Variants in EXOC4 observed in about 807,000 individuals in gnomAD.
EXOC4 encodes exocyst complex component 4.
Under a neutral mutation model 107.2 loss-of-function variants are expected in EXOC4, and 71 were observed. The ratio of observed to expected loss-of-function variants is 0.66; its 90% CI spans 0.55 to 0.81. The LOEUF is 0.81. Among genes scored for constraint, EXOC4 ranks in the 30% least tolerant of loss-of-function variants. The pLI is 0.00. For synonymous variants in EXOC4, 456 were observed against 441.2 expected (o/e 1.03, Z -0.42); for missense variants, 1,108 against 1,189.6 (o/e 0.93, Z 1.01).
intron 10 of EXOC4, among the ~76,000 whole-genome samples, chr7:133,655,100 A>G (rs1803257908): frequency 6.6e-6 from 1 of 152,146 alleles, no homozygotes; most frequent in Admixed American, 6.6e-5. Context: ...TGTACACTTG[A>G]GTTACACTAA....
chr7:133,994,447 C>T (rs1794335717), intron 14 of EXOC4, among the ~76,000 whole-genome samples: 1 of 152,122 alleles, frequency 6.6e-6, no homozygotes, highest in Non-Finnish European at 1.5e-5. Flanking sequence ...CAGCAAACCA[C>T]AATGGCGCCT....
At chr7:133,984,532 T>C (rs1230668894) in intron 14 of EXOC4, among the ~76,000 whole-genome samples, 2 of 152,228 alleles carry the variant, frequency 1.3e-5, no homozygotes, top group Non-Finnish European at 2.9e-5. Context: ...GTTATAAAAC[T>C]CTTTGATTTG....
intron 10 of EXOC4, among the ~76,000 whole-genome samples, chr7:133,815,595 T>G (rs1357218757): frequency 6.6e-6 from 1 of 152,224 alleles, no homozygotes; most frequent in African/African-American, 2.4e-5. Context: ...CTTTTCTGGG[T>G]GAACTATCAT....
intron 10 of EXOC4, chr7:133,732,632 G>T (rs528434283): frequency 6.5e-6 from 1 of 153,658 alleles, no homozygotes; most frequent in Non-Finnish European, 1.4e-5. Flanking sequence ...CTTGGGCTTA[G>T]CATTTTTACT....
chr7:133,511,525 C>T (rs1485606528), intron 9 of EXOC4, among the ~76,000 whole-genome samples: 8 of 152,050 alleles, frequency 5.3e-5, no homozygotes, highest in Non-Finnish European at 1.0e-4. Flanking sequence ...AGAATTAATG[C>T]CCACTTTTAG....
chr7:133,978,116 A>T (rs1223649424), intron 14 of EXOC4, among the ~76,000 whole-genome samples: 1 of 152,194 alleles, frequency 6.6e-6, no homozygotes, highest in Admixed American at 6.5e-5. Flanking sequence ...GGTTCAAATG[A>T]GGCAAACACT....
chr7:133,711,065 G>T (rs1368715656), intron 10 of EXOC4, among the ~76,000 whole-genome samples: 1 of 152,182 alleles, frequency 6.6e-6, no homozygotes, highest in African/African-American at 2.4e-5. Flanking sequence ...AAAATGAACT[G>T]TATCATTTTT....
At position 133,610,844 on chromosome 7, in the gene EXOC4, CT is replaced by C. The variant is rs1286547584; in HGVS notation, c.1418-19200del. Among the ~76,000 whole-genome samples the C allele has an allele frequency of 1.3e-4, 20 of 150,288 alleles. No homozygotes were observed. In the South Asian group the frequency reaches 4.0e-3, roughly 30 times the overall value. ...TTTTTTTTTTTAAGACAGGATCTCACTCTGTCACCCAGGTTGCCGTGCAGTG... is the reference window on the plus strand; with the variant it reads ...TTTTTTTTTTTAAGACAGGATCTCACCTGTCACCCAGGTTGCCGTGCAGTG... On this transcript the variant is annotated intron_variant, in intron 9 of 17. Transcript: ENST00000253861.
chr7:133,785,695 C>T (rs1271813077), intron 10 of EXOC4, among the ~76,000 whole-genome samples: 3 of 149,272 alleles, frequency 2.0e-5, no homozygotes, highest in South Asian at 2.1e-4. Flanking sequence ...TTTTTTGAGA[C>T]GGAGTCTCGT....
intron 17 of EXOC4, among the ~76,000 whole-genome samples, chr7:134,061,597 G>A (rs543061562): frequency 1.3e-5 from 2 of 152,262 alleles, no homozygotes; most frequent in African/African-American, 4.8e-5. Flanking sequence ...TGAAAGAATC[G>A]TGAGCCCCAG....
At chr7:134,024,450 CAA>C (rs34739382) in intron 17 of EXOC4, among the ~76,000 whole-genome samples, 3 of 134,894 alleles carry the variant, frequency 2.2e-5, no homozygotes, top group Non-Finnish European at 3.3e-5. Context: ...GACTCCATCT[CAA>C]AAAAAAAAAA....
At chr7:134,034,515 C>T (rs1243829417) in intron 17 of EXOC4, among the ~76,000 whole-genome samples, 1 of 152,190 alleles carries the variant, frequency 6.6e-6, no homozygotes, top group African/African-American at 2.4e-5. Flanking sequence ...CCATGTTTTT[C>T]TCGTGATAGT....
chr7:134,090,413 C>T, the EXOC4 span, among the ~76,000 whole-genome samples: 1 of 152,218 alleles, frequency 6.6e-6, no homozygotes, highest in African/African-American at 2.4e-5. Context: ...TAAGGTACCC[C>T]TCTTTATGAC....
intron 10 of EXOC4, among the ~76,000 whole-genome samples, chr7:133,649,736 C>T (rs1803092791): frequency 6.6e-6 from 1 of 152,034 alleles, no homozygotes; most frequent in Non-Finnish European, 1.5e-5. Flanking sequence ...AGTTCCAACA[C>T]CTTATTTCTA....
intron 9 of EXOC4, among the ~76,000 whole-genome samples, chr7:133,576,127 C>T (rs907574105): frequency 6.6e-6 from 1 of 152,288 alleles, no homozygotes; most frequent in South Asian, 2.1e-4. Flanking sequence ...AACTAAATCA[C>T]ATGTATGGCT....
chr7:134,096,869 C>G, the EXOC4 span, among the ~76,000 whole-genome samples: 1 of 151,934 alleles, frequency 6.6e-6, no homozygotes, highest in Non-Finnish European at 1.5e-5. Context: ...TGTTAATCTC[C>G]TTTTGTAACA....
intron 14 of EXOC4, among the ~76,000 whole-genome samples, 200 bp from the exon 15 acceptor site, chr7:133,997,292 G>T (rs1287703082): frequency 6.6e-6 from 1 of 152,148 alleles, no homozygotes; most frequent in African/African-American, 2.4e-5. Context: ...ATTATTATAT[G>T]AATTGATTCA....
chr7:133,391,796 C>T (rs1796858772), intron 7 of EXOC4, among the ~76,000 whole-genome samples: 1 of 152,084 alleles, frequency 6.6e-6, no homozygotes, highest in South Asian at 2.1e-4. Flanking sequence ...TATTTATGGT[C>T]AACTATGTTT....
chr7:134,064,471 C>A lies in EXOC4; in HGVS notation c.2868C>A (p.Ile956=). Residue 956 remains isoleucine, a synonymous_variant, in exon 18 of 18, where the codon ATC becomes ATA. Transcript: ENST00000253861. ...NTRLQRLKEI[I]CEQAAIKQAT... is the part of the protein sequence containing the mutation. ...GGCTGCAGAGGCTCAAAGAGATCAT[C>A]TGCGAGCAGGCTGCCATCAAGCAAG... is the stretch of plus-strand genomic sequence containing the variant. 6.2e-7 allele frequency: 1 copy of A among 1,607,650 alleles called. No homozygotes were observed. The highest frequency in any genetic ancestry group is 1.1e-5 in the South Asian group (1 of 89,916).
Sources: gnomAD v4.1 joint callset for allele counts (sites outside exome capture counted in the v4.1 genomes callset) on GRCh38, gnomAD v4.1.1 for gene constraint, MANE v1.5 for transcripts, NCBI Gene and HGNC (gene_info 2026-07-23, HGNC 2026-07-21) for gene names.